The following ANKRD40 variants were observed in gnomAD, a reference collection of about 807,000 sequenced individuals.
ANKRD40 encodes the protein ankyrin repeat domain-containing protein 40.
In ANKRD40, 24 loss-of-function variants were observed where a neutral mutation model predicts 35.5. The ratio of observed to expected loss-of-function variants is 0.68; its 90% CI spans 0.49 to 0.95. The LOEUF (loss-of-function observed/expected upper bound fraction) is 0.95. Ranked by LOEUF, ANKRD40 falls within the 40% of genes least tolerant of loss-of-function variation. The pLI, the probability that ANKRD40 is intolerant of heterozygous loss-of-function variation, is 0.00. For synonymous variants in ANKRD40, 147 were observed against 173.5 expected (o/e 0.85, Z 1.20); for missense variants, 361 against 436.0 (o/e 0.83, Z 1.53).
chr17:50,704,974 C>A (rs1424132065), intron 1 of ANKRD40, among the ~76,000 whole-genome samples: 1 of 151,992 alleles, frequency 6.6e-6, no homozygotes, highest in South Asian at 2.1e-4. Context: ...ATTAGCCGGG[C>A]GTGGTGGCGG....
chr17:50,707,465 C>A lies in ANKRD40; in HGVS notation c.134+56G>T. 6.4e-7 allele frequency: 1 copy of A among 1,573,456 alleles called. No homozygotes were observed. The highest frequency in any genetic ancestry group is 8.6e-7 in the Non-Finnish European group (1 of 1,160,748). On this transcript the variant is annotated intron_variant, in intron 1 of 4. Transcript: ENST00000285243. The surrounding 1 kb of genome is among the most constrained non-coding windows in gnomAD (Gnocchi z 4.8). ...GCTGGGCCCAGGTCGCGACTGACTG[C>A]CCCACGCCTTCCGACCGGCTGCCCT... is the stretch of plus-strand genomic sequence containing the variant.
Position 50,707,417 on chromosome 17 carries a change from C to T in ANKRD40, c.134+104G>A. 1 of 1,497,076 alleles carries T rather than the reference C, an allele frequency of 6.7e-7. No individual in the cohort carries two copies. Among genetic ancestry groups the T allele is most frequent in the Non-Finnish European group, 8.9e-7 (1 of 1,117,356 alleles). 92.7% of individuals were successfully genotyped at this position (1,497,076 alleles called of 1,614,324 possible). Reference sequence around the variant, plus strand: ...ATCTCGGAGGCCCGAGGTGGCAGGCCTCGCCGTAGCCAGGCGTCCCGCGCT... The same window carrying T: ...ATCTCGGAGGCCCGAGGTGGCAGGCTTCGCCGTAGCCAGGCGTCCCGCGCT... On this transcript the variant is annotated intron_variant, in intron 1 of 4. Transcript: ENST00000285243. This position sits in a 1 kb window ranked among gnomAD's most constrained non-coding sequence, Gnocchi z 4.8.
At chr17:50,700,491 T>A in intron 2 of ANKRD40, 77 bp downstream of exon 2, 1 of 1,433,420 alleles carries the variant, frequency 7.0e-7, no homozygotes, top group African/African-American at 1.4e-5. Context: ...TTGACCAGCA[T>A]TAAGAACGTA....
At chr17:50,705,169 A>G (rs1216441953) in intron 1 of ANKRD40, among the ~76,000 whole-genome samples, 2 of 151,922 alleles carry the variant, frequency 1.3e-5, no homozygotes, top group Non-Finnish European at 2.9e-5. Flanking sequence ...GCTGCAAAGC[A>G]AGTTCAATAA....
chr17:50,696,246 AG>A, intron 4 of ANKRD40, 103 bp from the exon 5 acceptor site: 2 of 1,312,166 alleles, frequency 1.5e-6, no homozygotes, highest in Non-Finnish European at 1.0e-6. Context: ...AAAACCTAGA[AG>A]AAAAAAAAAA....
chr17:50,702,384 A>G (rs1179421712), intron 1 of ANKRD40, among the ~76,000 whole-genome samples: 1 of 150,238 alleles, frequency 6.7e-6, no homozygotes, highest in Non-Finnish European at 1.5e-5. Flanking sequence ...TGGGCAACAC[A>G]GCAAGACTCC....
intron 3 of ANKRD40, 62 bp downstream of exon 3, chr17:50,699,337 A>T: frequency 6.4e-7 from 1 of 1,567,134 alleles, no homozygotes; most frequent in Non-Finnish European, 8.7e-7. Context: ...TACCTCATTA[A>T]ATCCCACCCC....
intron 4 of ANKRD40, 80 bp from the exon 5 acceptor site, chr17:50,696,223 C>T: frequency 1.4e-6 from 2 of 1,423,806 alleles, no homozygotes; most frequent in South Asian, 1.4e-5. Context: ...ATACCAGTAT[C>T]TTGTCTTATT....
intron 4 of ANKRD40, 72 bp downstream of exon 4, chr17:50,696,868 C>T (rs1968206639): frequency 7.3e-7 from 1 of 1,375,288 alleles, no homozygotes; most frequent in Non-Finnish European, 9.8e-7. Flanking sequence ...TCAACTACCT[C>T]ATATAACCAA....
At chr17:50,705,515 GA>G (rs1555602435) in intron 1 of ANKRD40, among the ~76,000 whole-genome samples, 3 of 151,794 alleles carry the variant, frequency 2.0e-5, no homozygotes, top group Non-Finnish European at 4.4e-5. Context: ...AAATTAGGTA[GA>G]AAAAAATTTT....
intron 1 of ANKRD40, among the ~76,000 whole-genome samples, chr17:50,706,324 G>T (rs1968337877): frequency 1.3e-5 from 2 of 151,594 alleles, no homozygotes; most frequent in African/African-American, 4.9e-5. Flanking sequence ...GTTTCATCAT[G>T]TTGGCCAGGA....
intron 3 of ANKRD40, among the ~76,000 whole-genome samples, chr17:50,699,110 G>C (rs1251792222): frequency 6.6e-6 from 1 of 151,776 alleles, no homozygotes; most frequent in Non-Finnish European, 1.5e-5. Flanking sequence ...AGTGAGCCAA[G>C]ATCACACCAC....
At chr17:50,702,189 T>G (rs1567844180) in intron 1 of ANKRD40, among the ~76,000 whole-genome samples, 1 of 152,084 alleles carries the variant, frequency 6.6e-6, no homozygotes, top group Non-Finnish European at 1.5e-5. Flanking sequence ...TGGATCACTT[T>G]AGGTCGGGAG....
chr17:50,693,412 GATT>G lies in ANKRD40; in HGVS notation c.*2582_*2584del, dbSNP rs1339053604. 6.6e-6 allele frequency: 1 copy of G among 152,188 alleles called. No individual in the cohort carries two copies. Among genetic ancestry groups the G allele is most frequent in the Non-Finnish European group, 1.5e-5 (1 of 68,038 alleles). The allele number at this position is 152,188 out of a possible 1,614,324, so 9.4% of individuals were successfully genotyped here. A position where few individuals can be genotyped will look rare whatever the true frequency, so the allele number is the denominator to read the frequency against. On this transcript the variant is annotated 3_prime_UTR_variant, in exon 5 of 5. Transcript: ENST00000285243. ...ATAAAAATATTTCTCTGAATGCATA[GATT>G]AAGACTTTAAACTCACCTACCAGCA...
chr17:50,705,866 G>A (rs1024654086), intron 1 of ANKRD40, among the ~76,000 whole-genome samples: 19 of 150,998 alleles, frequency 1.3e-4, no homozygotes, highest in African/African-American at 4.1e-4. Context: ...TCACCATGTT[G>A]GCCAGAATGG....
chr17:50,696,180 C>A, intron 4 of ANKRD40, 37 bp from the exon 5 acceptor site: 1 of 1,598,972 alleles, frequency 6.3e-7, no homozygotes, highest in Non-Finnish European at 8.5e-7. Context: ...TAACAGGAGC[C>A]ACTTGTCTCC....
At chr17:50,697,200 T>C in intron 3 of ANKRD40, 79 bp from the exon 4 acceptor site, 2 of 1,335,614 alleles carry the variant, frequency 1.5e-6, no homozygotes, top group South Asian at 1.4e-5. Flanking sequence ...TTCCAGAAGA[T>C]GGTTATACTT....
At chr17:50,702,648 ACTTGTTCGTGGCAAG>A (rs1472267377) in intron 1 of ANKRD40, among the ~76,000 whole-genome samples, 1 of 152,176 alleles carries the variant, frequency 6.6e-6, no homozygotes, top group Non-Finnish European at 1.5e-5. Context: ...GTAGTAGATC[ACTTGTTCGTGGCAAG>A]CTTGAGAGTA....
At position 50,693,561 on chromosome 17, in the gene ANKRD40, C is replaced by T. The variant is rs1167357155; in HGVS notation, c.*2436G>A. Reference sequence around the variant, plus strand: ...TCAAACCCACCTCTCACCAGAGACACCAGTCCCTTGCTTGCCTCTGTCGCT... The same window carrying T: ...TCAAACCCACCTCTCACCAGAGACATCAGTCCCTTGCTTGCCTCTGTCGCT... On this transcript the variant is annotated 3_prime_UTR_variant, in exon 5 of 5. Coordinates refer to ENST00000285243, the MANE Select transcript of ANKRD40 (RefSeq NM_052855.4). The T allele has an allele frequency of 6.6e-6, 1 of 152,254 alleles. No individual in the cohort carries two copies. The highest frequency in any genetic ancestry group is 2.4e-5 in the African/African-American group (1 of 41,458). The allele number at this position is 152,254 out of a possible 1,614,324, so 9.4% of individuals were successfully genotyped here.
Sources: gnomAD v4.1 joint callset for allele counts (sites outside exome capture counted in the v4.1 genomes callset) on GRCh38, gnomAD v4.1.1 for gene constraint, Gnocchi (gnomAD v3.1) non-coding constraint, MANE v1.5 for transcripts, NCBI Gene and HGNC (gene_info 2026-07-23, HGNC 2026-07-21) for gene names.